ANKRD22: variants seen among roughly 807,000 people sequenced by gnomAD.
The protein encoded by ANKRD22 is ankyrin repeat domain-containing protein 22.
ANKRD22 carries 24 observed loss-of-function variants against 25.7 expected under a neutral mutation model. The ratio of observed to expected loss-of-function variants is 0.93; its 90% confidence interval spans 0.68 to 1.31. The LOEUF is 1.31. Ranked by LOEUF, ANKRD22 falls within the 50% of genes most tolerant of loss-of-function variation. ANKRD22 has a pLI of 0.00. For missense variants in ANKRD22, 214 were observed against 227.1 expected, an observed-to-expected ratio of 0.94 and a Z score of 0.37; for synonymous variants, 84 against 84.3, an observed-to-expected ratio of 1.00 and a Z score of 0.02.
intron 1 of ANKRD22, among the ~76,000 whole-genome samples, chr10:88,839,803 A>G (rs777113400): frequency 9.2e-5 from 14 of 152,172 alleles, no homozygotes; most frequent in Non-Finnish European, 1.5e-5. Context: ...AAGGACCAGG[A>G]CAATATTTCG....
intron 1 of ANKRD22, among the ~76,000 whole-genome samples, chr10:88,837,253 G>A (rs957653366): frequency 6.6e-6 from 1 of 152,164 alleles, no homozygotes; most frequent in Non-Finnish European, 1.5e-5. Context: ...TGATAATCAT[G>A]CCTTCTTTAT....
Position 88,823,263 on chromosome 10 carries a change from G to C in ANKRD22, c.498+17C>G, listed in dbSNP as rs73354431. 8.1e-6 allele frequency: 13 copies of C among 1,596,568 alleles called. No individual in the cohort carries two copies. The highest frequency in any genetic ancestry group is 1.1e-5 in the Non-Finnish European group (13 of 1,164,326). On this transcript the variant is annotated intron_variant, in intron 5 of 5. Transcript: ENST00000371930. ...TGCTGCTAGAGGAACCTCAGACCAC[G>C]GTCCACCCTCCCTTACCTTATTCTT...
At chr10:88,838,281 G>A (rs144191635) in intron 1 of ANKRD22, among the ~76,000 whole-genome samples, 1 of 152,316 alleles carries the variant, frequency 6.6e-6, no homozygotes, top group Non-Finnish European at 1.5e-5. Flanking sequence ...AGTACAGAAA[G>A]TGAAGAGGGC....
At chr10:88,825,571 C>G (rs1478481298) in intron 4 of ANKRD22, among the ~76,000 whole-genome samples, 1 of 152,246 alleles carries the variant, frequency 6.6e-6, no homozygotes. Context: ...ACATTCTGAG[C>G]ATGTGCTAAG....
At chr10:88,831,356 G>A (rs1473472163) in intron 2 of ANKRD22, among the ~76,000 whole-genome samples, 1 of 152,108 alleles carries the variant, frequency 6.6e-6, no homozygotes, top group Non-Finnish European at 1.5e-5. Context: ...GAGCTTATTT[G>A]TCCTTGGTAA....
chr10:88,822,842 T>C lies in ANKRD22; in HGVS notation c.*99A>G, dbSNP rs1374249657. 1.0e-6 allele frequency: 1 copy of C among 996,654 alleles called. No homozygotes were observed. The highest frequency in any genetic ancestry group is 1.5e-6 in the Non-Finnish European group (1 of 647,092). The allele number at this position is 996,654 out of a possible 1,614,324, so 61.7% of individuals were successfully genotyped here. ...AAGCATCATTATCCCCATAAAATGG[T>C]GGCATCCAGGTTAAATGGCCCACAG... On this transcript the variant is annotated 3_prime_UTR_variant, in exon 6 of 6. Transcript: ENST00000371930.
intron 2 of ANKRD22, 64 bp from the exon 3 acceptor site, chr10:88,828,730 C>A: frequency 1.6e-6 from 2 of 1,253,236 alleles, no homozygotes; most frequent in Non-Finnish European, 2.3e-6. Context: ...ATTCAGATGG[C>A]CATCTCAAAA....
Position 88,820,493 on chromosome 10 carries a change from G to A in ANKRD22, c.*2448C>T, listed in dbSNP as rs945401046. On this transcript the variant is annotated 3_prime_UTR_variant, in exon 6 of 6. Coordinates refer to ENST00000371930, the MANE Select transcript of ANKRD22 (RefSeq NM_144590.3). The stretch of plus-strand genomic sequence containing the variant: ...CCTTTCCCAGGGACGGTGTGAGGCC[G>A]TATTGTGAAGCATCTGACACTGACG... 1.3e-5 allele frequency: 20 copies of A among 1,549,828 alleles called. No individual in the cohort carries two copies. The highest frequency in any genetic ancestry group is 6.0e-5 in the South Asian group (5 of 83,942).
At chr10:88,851,021 T>C (rs1289937123) in intron 1 of ANKRD22, among the ~76,000 whole-genome samples, 2 of 152,082 alleles carry the variant, frequency 1.3e-5, no homozygotes, top group Non-Finnish European at 2.9e-5. Context: ...ATAAGTTACT[T>C]CCAATACAAG....
intron 1 of ANKRD22, among the ~76,000 whole-genome samples, chr10:88,848,359 TATC>T (rs1844073057): frequency 6.6e-6 from 1 of 152,040 alleles, no homozygotes; most frequent in Non-Finnish European, 1.5e-5. Flanking sequence ...ATGTGAAAGT[TATC>T]ATTTTCTCTC....
intron 3 of ANKRD22, among the ~76,000 whole-genome samples, chr10:88,826,790 C>T (rs996704990): frequency 3.3e-5 from 5 of 152,090 alleles, no homozygotes; most frequent in South Asian, 2.1e-4. Context: ...CTGTATCACC[C>T]GCTTTATGGT....
chr10:88,834,295 A>G (rs1239165254), intron 1 of ANKRD22, among the ~76,000 whole-genome samples: 1 of 152,268 alleles, frequency 6.6e-6, no homozygotes, highest in Non-Finnish European at 1.5e-5. Context: ...ATTTTAACAA[A>G]TACAAAGATA....
At chr10:88,831,769 C>T in intron 2 of ANKRD22, 66 bp downstream of exon 2, 1 of 1,455,734 alleles carries the variant, frequency 6.9e-7, no homozygotes, top group South Asian at 1.5e-5. Flanking sequence ...TGCACCACTT[C>T]TAGTGATTCA....
At chr10:88,844,306 C>T (rs1844028897) in intron 1 of ANKRD22, among the ~76,000 whole-genome samples, 4 of 152,090 alleles carry the variant, frequency 2.6e-5, no homozygotes, top group Middle Eastern at 6.8e-3. Flanking sequence ...AATTGGGTCT[C>T]GTAGACCATG....
intron 4 of ANKRD22, among the ~76,000 whole-genome samples, chr10:88,825,486 G>A (rs560965271): frequency 6.6e-6 from 1 of 152,324 alleles, no homozygotes; most frequent in East Asian, 1.9e-4. Context: ...TCTGTAGTTT[G>A]CACACGGGGC....
chr10:88,851,619 A>G lies in ANKRD22; in HGVS notation c.-12T>C. On this transcript the variant is annotated 5_prime_UTR_variant, in exon 1 of 6. Coordinates refer to ENST00000371930, the MANE Select transcript of ANKRD22 (RefSeq NM_144590.3). ...TATAGGATTCCCATGCTGGTCCTTC[A>G]CAGGCTTACTTCACCTCTACAGCTC... is the stretch of plus-strand genomic sequence containing the variant. The G allele has an allele frequency of 3.7e-6, 6 of 1,613,300 alleles. No individual in the cohort carries two copies. Among genetic ancestry groups the G allele is most frequent in the South Asian group, 1.1e-5 (1 of 91,048 alleles).
chr10:88,825,618 T>C (rs551828478), intron 4 of ANKRD22, among the ~76,000 whole-genome samples: 14 of 152,324 alleles, frequency 9.2e-5, no homozygotes, highest in African/African-American at 3.1e-4. Flanking sequence ...ATAAGTATTA[T>C]CCATATCCCC....
At chr10:88,826,235 C>T in intron 3 of ANKRD22, 120 bp from the exon 4 acceptor site, 1 of 764,292 alleles carries the variant, frequency 1.3e-6, no homozygotes. Flanking sequence ...ATGCATGCAC[C>T]CTTCCTAAAA....
chr10:88,835,697 G>C (rs1025753930), intron 1 of ANKRD22, among the ~76,000 whole-genome samples: 13 of 152,174 alleles, frequency 8.5e-5, no homozygotes, highest in African/African-American at 2.9e-4. Flanking sequence ...TGCTGTATAT[G>C]CTGTTCATTG....
Sources: gnomAD v4.1 joint callset for allele counts (sites outside exome capture counted in the v4.1 genomes callset) on GRCh38, gnomAD v4.1.1 for gene constraint, MANE v1.5 for transcripts, NCBI Gene and HGNC (gene_info 2026-07-23, HGNC 2026-07-21) for gene names.